INPP4A: variants seen among roughly 807,000 people sequenced by gnomAD.
INPP4A encodes inositol polyphosphate-4-phosphatase type I A, also known as inositol polyphosphate-4-phosphatase, type I, 107kD.
Under a neutral mutation model 119.8 loss-of-function variants are expected in INPP4A, and 33 were observed. The ratio of observed to expected loss-of-function variants is 0.28; its 90% CI spans 0.21 to 0.37. INPP4A has a LOEUF of 0.37. INPP4A is among the 10% of genes least tolerant of loss of function. The pLI is 1.00. For synonymous variants in INPP4A, 496 were observed against 500.7 expected, an observed-to-expected ratio of 0.99 and a Z score of 0.12; for missense variants, 956 against 1,289.9, an observed-to-expected ratio of 0.74 and a Z score of 3.97.
At chr2:98,544,621 T>G (rs1213607671) in intron 11 of INPP4A, among the ~76,000 whole-genome samples, 4 of 152,270 alleles carry the variant, frequency 2.6e-5, no homozygotes, top group Non-Finnish European at 4.4e-5. Context: ...TGTTCCTTTT[T>G]TATTCCAAGT....
In INPP4A at chr2:98,584,615, G is replaced by A. The variant is rs572723326; in HGVS notation, c.2787-2861G>A. Among the ~76,000 whole-genome samples, 77 of 152,384 alleles carry A rather than the reference G, an allele frequency of 5.1e-4. 1 individual carries two copies. Among genetic ancestry groups the A allele is most frequent in the African/African-American group, 1.8e-3 (75 of 41,598 alleles). On this transcript the variant is annotated intron_variant, in intron 24 of 24. Coordinates refer to ENST00000409851, the MANE Select transcript of INPP4A (RefSeq NM_001134225.2). ...CTTTCTGCCCATGTGGGCTTGGCCC[G>A]TGGGCTGAGAGAAATGAGACCAAAG...
intron 1 of INPP4A, among the ~76,000 whole-genome samples, chr2:98,496,214 A>G (rs1199355547): frequency 6.6e-6 from 1 of 152,176 alleles, no homozygotes; most frequent in East Asian, 1.9e-4. Context: ...TTACTTTGAA[A>G]TGCTCCTCTC....
In INPP4A at chr2:98,558,887, A is replaced by C. The variant is rs576736115; in HGVS notation, c.1823-576A>C. Among the ~76,000 whole-genome samples the C allele has an allele frequency of 2.0e-5, 3 of 152,366 alleles. No homozygotes were observed. The South Asian group carries it at 6.2e-4, about 32-fold the overall frequency. On this transcript the variant is annotated intron_variant, in intron 16 of 24. Coordinates refer to ENST00000409851, the MANE Select transcript of INPP4A (RefSeq NM_001134225.2). ...TAATTGGAGACTACCCCTAAATCAC[A>C]AAACTTAACATTTGTTTTAAATTTG...
intron 10 of INPP4A, among the ~76,000 whole-genome samples, chr2:98,541,096 G>C (rs551584539): frequency 6.6e-6 from 1 of 152,326 alleles, no homozygotes; most frequent in Non-Finnish European, 1.5e-5. Flanking sequence ...GGGAGGCTGA[G>C]GCAGGTGGAT....
chr2:98,564,768 G>T lies in INPP4A; in HGVS notation c.2152+5G>T. ...AGAGCCTGCTGAGCACCTACGGTGAGGCGCCCGGGCCAGGATCGGGAGCCC... is the reference window on the plus strand; with the variant it reads ...AGAGCCTGCTGAGCACCTACGGTGATGCGCCCGGGCCAGGATCGGGAGCCC... On this transcript the variant is annotated splice_donor_5th_base_variant and intron_variant, in intron 19 of 24. Transcript: ENST00000409851. The T allele has an allele frequency of 6.3e-7, 1 of 1,579,000 alleles. No individual in the cohort carries two copies.
At chr2:98,544,087 CCTCT>C (rs1260074692) in intron 11 of INPP4A, 80 bp downstream of exon 11, 1 of 1,305,696 alleles carries the variant, frequency 7.7e-7, no homozygotes, top group Non-Finnish European at 1.0e-6. Context: ...TCAGTCACTC[CCTCT>C]GCTTTCCCAG....
chr2:98,534,188 A>G (rs1311110606), intron 5 of INPP4A, among the ~76,000 whole-genome samples: 2 of 152,230 alleles, frequency 1.3e-5, no homozygotes, highest in East Asian at 1.9e-4. Context: ...CACGTCAACA[A>G]TTCTGCTTTC....
Position 98,587,584 on chromosome 2 carries a change from G to A in INPP4A, c.2895G>A (p.Gly965=). Residue 965 remains glycine (G), a synonymous_variant, in exon 25 of 25, where the codon GGG becomes GGA. Coordinates refer to ENST00000409851, the MANE Select transcript of INPP4A (RefSeq NM_001134225.2). ...AFPKHYRPPE[G]TYGKVET ...CCAAGCATTACAGGCCTCCCGAAGG[G>A]ACTTACGGAAAAGTTGAAACGTGAA... 1 of 1,599,140 alleles carries A rather than the reference G, an allele frequency of 6.3e-7. No homozygotes were observed. The highest frequency in any genetic ancestry group is 8.5e-7 in the Non-Finnish European group (1 of 1,175,924).
intron 18 of INPP4A, 119 bp downstream of exon 18, chr2:98,563,756 T>G: frequency 1.1e-6 from 1 of 945,262 alleles, no homozygotes; most frequent in Non-Finnish European, 1.6e-6. Context: ...CCATATTTCC[T>G]CCTGGTGGTG....
At chr2:98,456,870 A>AT (rs1451172521) in intron 1 of INPP4A, among the ~76,000 whole-genome samples, 1 of 152,172 alleles carries the variant, frequency 6.6e-6, no homozygotes, top group African/African-American at 2.4e-5. Context: ...TGATTATTTA[A>AT]TTATTCTTTA....
At chr2:98,466,553 C>A (rs186684717) in intron 1 of INPP4A, among the ~76,000 whole-genome samples, 1 of 152,338 alleles carries the variant, frequency 6.6e-6, no homozygotes, top group Admixed American at 6.5e-5. Context: ...TGTCTGTCAT[C>A]CCATTTTACC....
intron 24 of INPP4A, chr2:98,581,541 CT>C: frequency 2.0e-6 from 3 of 1,477,460 alleles, no homozygotes; most frequent in Admixed American, 3.1e-5. Flanking sequence ...TTCCTTTTTC[CT>C]TTTTCTTTCT....
chr2:98,571,968 A>G (rs868593165), intron 22 of INPP4A: 4 of 152,534 alleles, frequency 2.6e-5, no homozygotes, highest in African/African-American at 9.6e-5. Flanking sequence ...ACTCAGCAGC[A>G]ACGTGAAGTA....
chr2:98,486,057 A>G (rs1046030472), intron 1 of INPP4A, among the ~76,000 whole-genome samples: 1 of 152,220 alleles, frequency 6.6e-6, no homozygotes, highest in Non-Finnish European at 1.5e-5. Context: ...AGTCCCACAC[A>G]GTAGGGCACA....
At chr2:98,520,272 G>C (rs1686933368) in intron 3 of INPP4A, 118 bp downstream of exon 3, 2 of 794,326 alleles carry the variant, frequency 2.5e-6, no homozygotes, top group African/African-American at 1.8e-5. Flanking sequence ...AGACTACAGG[G>C]TACCCTGGTT....
chr2:98,556,925 T>G (rs1240236377), intron 16 of INPP4A, among the ~76,000 whole-genome samples: 1 of 152,254 alleles, frequency 6.6e-6, no homozygotes, highest in Admixed American at 6.5e-5. Flanking sequence ...CATGGAACTA[T>G]TTTGTCTCTA....
At chr2:98,445,510 C>T (rs1256974089) in intron 1 of INPP4A, among the ~76,000 whole-genome samples, 1 of 152,244 alleles carries the variant, frequency 6.6e-6, no homozygotes, top group East Asian at 1.9e-4. Flanking sequence ...CCTCGAAACT[C>T]TTCCATTTTC....
chr2:98,463,708 C>T (rs1674099866), intron 1 of INPP4A, among the ~76,000 whole-genome samples: 1 of 152,216 alleles, frequency 6.6e-6, no homozygotes, highest in South Asian at 2.1e-4. Context: ...GCGGAGGGCT[C>T]ACAGGCATGT....
At chr2:98,492,505 C>G (rs992947671) in intron 1 of INPP4A, among the ~76,000 whole-genome samples, 4 of 152,178 alleles carry the variant, frequency 2.6e-5, no homozygotes, top group Non-Finnish European at 5.9e-5. Context: ...ATGCATTAGG[C>G]CTTTACTCAT....
Sources: gnomAD v4.1 joint callset for allele counts (sites outside exome capture counted in the v4.1 genomes callset) on GRCh38, gnomAD v4.1.1 for gene constraint, MANE v1.5 for transcripts, NCBI Gene and HGNC (gene_info 2026-07-23, HGNC 2026-07-21) for gene names.